The following DLC1 variants were observed in gnomAD, a reference collection of about 807,000 sequenced individuals.
The protein encoded by DLC1 is DLC1 Rho GTPase activating protein, also known as rho GTPase-activating protein 7.
A neutral mutation model predicts 140.3 loss-of-function variants in DLC1; 54 were observed. The ratio of observed to expected loss-of-function variants is 0.38; its 90% CI spans 0.31 to 0.48. The LOEUF (loss-of-function observed/expected upper bound fraction) is 0.48. DLC1 is among the 20% of genes least tolerant of loss of function. DLC1 has a pLI of 0.96. For missense variants in DLC1, 2,536 were observed against 1,907.0 expected (o/e 1.33, Z -6.14); for synonymous variants, 986 against 728.1 (o/e 1.35, Z -5.70).
In DLC1 at chr8:13,500,027, G is replaced by T. The variant is rs767966021; in HGVS notation, c.45C>A (p.Thr15=). The T allele has an allele frequency of 6.2e-7, 1 of 1,614,020 alleles. No homozygotes were observed. The highest frequency in any genetic ancestry group is 8.5e-7 in the Non-Finnish European group (1 of 1,179,956). The change falls in exon 2 of 18, where the codon ACC becomes ACA. Residue 15 remains threonine (T), a synonymous_variant. Coordinates refer to ENST00000276297, the MANE Select transcript of DLC1 (RefSeq NM_182643.3). ...AATTAAAAGGCTGTCCCATCCAGTG[G>T]GTCACATGTTCTTCCCAGCTTCTCT... is the stretch of plus-strand genomic sequence containing the variant. The part of the protein sequence containing the change: ...IRKRSWEEHV[T]HWMGQPFNSD...
chr8:13,281,205 A>G (rs1350198445), intron 5 of DLC1, among the ~76,000 whole-genome samples: 1 of 152,220 alleles, frequency 6.6e-6, no homozygotes, highest in Admixed American at 6.5e-5. Context: ...TGCTCTGGCA[A>G]CTGGCAATTT....
At chr8:13,181,671 CT>C (rs763010246) in intron 5 of DLC1, among the ~76,000 whole-genome samples, 3 of 151,504 alleles carry the variant, frequency 2.0e-5, no homozygotes, top group African/African-American at 4.9e-5. Context: ...TGAACTCATC[CT>C]TTTTTATGGC....
chr8:13,329,828 G>C (rs1305949812), intron 4 of DLC1, among the ~76,000 whole-genome samples: 1 of 152,108 alleles, frequency 6.6e-6, no homozygotes, highest in African/African-American at 2.4e-5. Context: ...TACCAGTGTG[G>C]TAACTTTCAT....
At chr8:13,391,880 C>T (rs1836777300) in intron 4 of DLC1, among the ~76,000 whole-genome samples, 1 of 135,236 alleles carries the variant, frequency 7.4e-6, no homozygotes, top group Non-Finnish European at 1.6e-5. Context: ...AAAGTGAGCC[C>T]CACACCTGTC....
chr8:13,386,498 C>A, intron 4 of DLC1, among the ~76,000 whole-genome samples: 2 of 151,982 alleles, frequency 1.3e-5, no homozygotes, highest in South Asian at 4.2e-4. Context: ...AGGAGGTGAC[C>A]GTGAAGATGG....
At position 13,205,815 on chromosome 8, in the gene DLC1, A is replaced by G. The variant is rs535132770; in HGVS notation, c.1349-90158T>C. ...AGACATATTATCTCATCTGAAAGAA[A>G]TTTGACTAAAATAATACTAATAAGT... On this transcript the variant is annotated intron_variant, in intron 5 of 17. Coordinates refer to ENST00000276297, the MANE Select transcript of DLC1 (RefSeq NM_182643.3). Among the ~76,000 whole-genome samples the G allele has an allele frequency of 2.0e-5, 3 of 152,316 alleles. No homozygotes were observed. The East Asian group carries it at 5.8e-4, about 29-fold the overall frequency.
intron 4 of DLC1, among the ~76,000 whole-genome samples, chr8:13,326,163 C>T (rs76919174): frequency 0.011 from 1,655 of 152,274 alleles, 16 homozygotes; most frequent in Non-Finnish European, 0.016. Flanking sequence ...TGATGCATGA[C>T]TATACTGCAA....
chr8:13,261,294 T>G (rs1830458077), intron 5 of DLC1, among the ~76,000 whole-genome samples: 1 of 152,006 alleles, frequency 6.6e-6, no homozygotes, highest in African/African-American at 2.4e-5. Flanking sequence ...GGGAAAAGAA[T>G]TTTTCAAGAT....
At chr8:13,147,165 C>T (rs1463312272) in intron 5 of DLC1, among the ~76,000 whole-genome samples, 2 of 152,160 alleles carry the variant, frequency 1.3e-5, no homozygotes, top group Non-Finnish European at 2.9e-5. Flanking sequence ...TCAGCTGTAT[C>T]ATTTAGATTC....
intron 5 of DLC1, among the ~76,000 whole-genome samples, chr8:13,122,364 C>G (rs930097974): frequency 1.3e-5 from 2 of 152,174 alleles, no homozygotes; most frequent in Non-Finnish European, 2.9e-5. Flanking sequence ...ACCTTAAGCC[C>G]TGAGTTCTCT....
intron 1 of DLC1, among the ~76,000 whole-genome samples, chr8:13,576,513 C>T (rs1369709441): frequency 2.0e-5 from 3 of 152,158 alleles, no homozygotes; most frequent in Non-Finnish European, 4.4e-5. Context: ...CCTCCAGATC[C>T]TGAAAAGTTG....
chr8:13,310,417 A>T (rs1832628137), intron 4 of DLC1, among the ~76,000 whole-genome samples: 1 of 152,242 alleles, frequency 6.6e-6, no homozygotes, highest in Non-Finnish European at 1.5e-5. Context: ...TCCACAAAAA[A>T]AAATTGCAGA....
At chr8:13,126,206 C>A (rs1272580315) in intron 5 of DLC1, among the ~76,000 whole-genome samples, 1 of 151,990 alleles carries the variant, frequency 6.6e-6, no homozygotes, top group Non-Finnish European at 1.5e-5. Flanking sequence ...CCCAAATAAT[C>A]AAAAATTGGC....
chr8:13,218,854 A>ATG (rs1401952481), intron 5 of DLC1, among the ~76,000 whole-genome samples: 86 of 31,866 alleles, frequency 2.7e-3, no homozygotes, highest in East Asian at 0.023. Flanking sequence ...ATAATTATAT[A>ATG]ATTATATATG....
chr8:13,553,691 A>G (rs1803943401), intron 1 of DLC1, among the ~76,000 whole-genome samples: 1 of 151,838 alleles, frequency 6.6e-6, no homozygotes, highest in Non-Finnish European at 1.5e-5. Flanking sequence ...AAAATTTTTA[A>G]AAGAGTTCTC....
intron 5 of DLC1, among the ~76,000 whole-genome samples, chr8:13,265,739 C>G (rs900789737): frequency 6.6e-6 from 1 of 151,510 alleles, no homozygotes; most frequent in African/African-American, 2.4e-5. Context: ...CCTCCCCTTC[C>G]CTCCTTTCCT....
intron 2 of DLC1, among the ~76,000 whole-genome samples, chr8:13,459,253 C>T (rs1013795799): frequency 6.6e-6 from 1 of 152,054 alleles, no homozygotes; most frequent in Admixed American, 6.5e-5. Flanking sequence ...CTTCCTTTCC[C>T]TCCCCCTCTT....
rs567205881 is a variant in DLC1 at position 13,318,202 on chromosome 8, T to TA, written c.1315-12901_1315-12900insT. Reference sequence around the variant, plus strand: ...ACTACACTCAGCTAATTAAAATTTTTTTTTTTTTTTTTTCAGAGAAGGAGT... The same window carrying TA: ...ACTACACTCAGCTAATTAAAATTTTTATTTTTTTTTTTTTCAGAGAAGGAGT... On this transcript the variant is annotated intron_variant, in intron 4 of 17. Coordinates refer to ENST00000276297, the MANE Select transcript of DLC1 (RefSeq NM_182643.3). 7.6e-4 allele frequency among the ~76,000 whole-genome samples: 116 copies of TA among 151,762 alleles called. 1 individual carries two copies. The highest frequency in any genetic ancestry group is 1.1e-3 in the Non-Finnish European group (78 of 67,922).
In DLC1 at chr8:13,401,608, T is replaced by C. The variant is rs746339445; in HGVS notation, c.1035A>G (p.Glu345=). ...VRLRKRKEIR[E]DRDRARLDSM... ...AGTCCAGCCGCGCCCTATCTCGATC[T>C]TCTCTTATTTCCTGAGGAACAGAAC... The change falls in exon 3 of 18, where the codon GAA becomes GAG. Residue 345 remains glutamate (E), a synonymous_variant. Transcript: ENST00000276297. 4 of 1,613,090 alleles carry C rather than the reference T, an allele frequency of 2.5e-6. No individual in the cohort carries two copies. Among genetic ancestry groups the C allele is most frequent in the Non-Finnish European group, 3.4e-6 (4 of 1,179,664 alleles).
Sources: allele counts gnomAD v4.1 joint callset (sites outside exome capture counted in the v4.1 genomes callset), GRCh38; gene constraint gnomAD v4.1.1; transcripts MANE v1.5; gene names NCBI Gene and HGNC (gene_info 2026-07-23, HGNC 2026-07-21).